TRDN: variants seen among roughly 807,000 people sequenced by gnomAD.
TRDN encodes triadin in skeletal muscle.
Under a neutral mutation model 149.7 loss-of-function variants are expected in TRDN, and 161 were observed. That is an observed-to-expected ratio of 1.08 (90% CI 0.95 to 1.23). TRDN has a LOEUF of 1.23. TRDN is among the 50% of genes most tolerant of loss of function. The probability of loss-of-function intolerance (pLI) is 0.00; values close to 1 mark genes in which losing one functional copy is unlikely to be tolerated. For missense variants in TRDN, 896 were observed against 823.5 expected (o/e 1.09, Z -1.08); for synonymous variants, 294 against 250.5 (o/e 1.17, Z -1.64).
intron 12 of TRDN, among the ~76,000 whole-genome samples, chr6:123,436,011 G>A (rs1774546365): frequency 6.6e-6 from 1 of 151,902 alleles, no homozygotes. Flanking sequence ...ACATACGCAT[G>A]AGCACACACA....
intron 1 of TRDN, among the ~76,000 whole-genome samples, chr6:123,621,482 TAAAA>T (rs1352886232): frequency 6.6e-6 from 1 of 151,870 alleles, no homozygotes; most frequent in Non-Finnish European, 1.5e-5. Flanking sequence ...ATATTAAAAC[TAAAA>T]AAAGAACATA....
intron 19 of TRDN, among the ~76,000 whole-genome samples, chr6:123,371,898 G>A (rs1781341096): frequency 6.6e-6 from 1 of 151,928 alleles, no homozygotes; most frequent in Admixed American, 6.6e-5. Context: ...AATATATTCT[G>A]GCAGCACCAG....
chr6:123,628,728 CTCTTT>C (rs1282039120), intron 1 of TRDN, among the ~76,000 whole-genome samples: 2 of 151,924 alleles, frequency 1.3e-5, no homozygotes, highest in African/African-American at 2.4e-5. Flanking sequence ...TTATTTTTTG[CTCTTT>C]TCTTTTTGTT....
At chr6:123,271,063 G>GTGTA in intron 30 of TRDN, 76 bp downstream of exon 30, 1 of 794,892 alleles carries the variant, frequency 1.3e-6, no homozygotes, top group South Asian at 2.0e-5. Context: ...GTGTGTGTGT[G>GTGTA]TCTGCATGCA....
At chr6:123,332,044 A>G (rs1438760562) in intron 22 of TRDN, 115 bp from the exon 23 acceptor site, 3 of 706,026 alleles carry the variant, frequency 4.2e-6, no homozygotes, top group Non-Finnish European at 6.8e-6. Context: ...TGGAAACTTT[A>G]TAATGCACTT....
intron 9 of TRDN, among the ~76,000 whole-genome samples, chr6:123,468,430 G>A (rs1776959997): frequency 6.6e-6 from 1 of 152,100 alleles, no homozygotes; most frequent in Non-Finnish European, 1.5e-5. Context: ...TGGTAGGTTG[G>A]CAAATTGCTA....
intron 5 of TRDN, among the ~76,000 whole-genome samples, chr6:123,520,414 A>G (rs1345164229): frequency 1.3e-5 from 2 of 152,152 alleles, no homozygotes; most frequent in Non-Finnish European, 2.9e-5. Flanking sequence ...TTGCTAAACC[A>G]GGACTCTCCT....
intron 29 of TRDN, among the ~76,000 whole-genome samples, chr6:123,272,523 G>T (rs72972692): frequency 3.3e-5 from 5 of 151,380 alleles, no homozygotes; most frequent in Non-Finnish European, 4.4e-5. Context: ...GGGAAGGAAG[G>T]GTGAAGAAAA....
chr6:123,568,245 T>C (rs562894600), intron 2 of TRDN, among the ~76,000 whole-genome samples: 19 of 152,260 alleles, frequency 1.2e-4, no homozygotes, highest in African/African-American at 4.3e-4. Context: ...AGCTCTACCG[T>C]TGTGGTTTTG....
chr6:123,553,418 A>C (rs1308692609), intron 2 of TRDN, among the ~76,000 whole-genome samples: 1 of 151,674 alleles, frequency 6.6e-6, no homozygotes, highest in African/African-American at 2.4e-5. Flanking sequence ...GATCCACTCC[A>C]CAGGAAGGCA....
intron 36 of TRDN, among the ~76,000 whole-genome samples, chr6:123,255,353 G>A (rs1046312251): frequency 2.6e-5 from 4 of 152,020 alleles, no homozygotes; most frequent in African/African-American, 9.7e-5. Flanking sequence ...AAATTAACTA[G>A]AATGTATGAA....
intron 1 of TRDN, among the ~76,000 whole-genome samples, chr6:123,574,848 TTATATATACATATATATATATA>T (rs1322475967): frequency 2.0e-5 from 2 of 102,554 alleles, no homozygotes; most frequent in East Asian, 2.8e-4. Flanking sequence ...GAACATGAAT[TTATATATACATATATATATATA>T]TATATATATA....
chr6:123,505,362 T>C (rs1009549252), intron 7 of TRDN, among the ~76,000 whole-genome samples: 9 of 151,780 alleles, frequency 5.9e-5, no homozygotes, highest in Non-Finnish European at 8.8e-5. Flanking sequence ...GAAGGTCCCA[T>C]TGAGAGAATG....
At position 123,563,927 on chromosome 6, in the gene TRDN, G is replaced by C. The variant is rs533097909; in HGVS notation, c.232+6996C>G. ...GGCTCAAGTGATTCTCCCACCTCAG[G>C]CTCTTGCCTTTATTAAAACAACAAT... On this transcript the variant is annotated intron_variant, in intron 2 of 40. Transcript: ENST00000334268. Among the ~76,000 whole-genome samples, 3 of 152,112 alleles carry C rather than the reference G, an allele frequency of 2.0e-5. No individual in the cohort carries two copies. In the East Asian group the frequency reaches 5.8e-4, roughly 29 times the overall value.
intron 21 of TRDN, chr6:123,350,145 G>A (rs951044815): frequency 1.3e-4 from 127 of 970,938 alleles, no homozygotes; most frequent in Non-Finnish European, 1.5e-4. Flanking sequence ...ATTCTTGATG[G>A]TTAGTAGACA....
chr6:123,572,013 C>T (rs949578235), intron 1 of TRDN, among the ~76,000 whole-genome samples: 1 of 152,046 alleles, frequency 6.6e-6, no homozygotes, highest in Admixed American at 6.6e-5. Context: ...ATAACATAAT[C>T]ACTTTTATAG....
At chr6:123,391,325 A>T (rs540918934) in intron 13 of TRDN, among the ~76,000 whole-genome samples, 60 of 152,092 alleles carry the variant, frequency 3.9e-4, no homozygotes, top group African/African-American at 1.4e-3. Flanking sequence ...AACAATTACC[A>T]TCTCCTAATT....
chr6:123,532,961 A>G (rs1019952778), intron 4 of TRDN, among the ~76,000 whole-genome samples: 3 of 151,982 alleles, frequency 2.0e-5, no homozygotes, highest in South Asian at 2.1e-4. Context: ...TCTCCTGTCA[A>G]TACTGTTTTG....
At chr6:123,438,268 G>A in intron 11 of TRDN, 146 bp from the exon 12 acceptor site, 1 of 623,182 alleles carries the variant, frequency 1.6e-6, no homozygotes, top group South Asian at 1.9e-5. Context: ...TATGAATAAG[G>A]TAGCACCTTC....
Sources: gnomAD v4.1 joint callset for allele counts (sites outside exome capture counted in the v4.1 genomes callset) on GRCh38, gnomAD v4.1.1 for gene constraint, MANE v1.5 for transcripts, NCBI Gene and HGNC (gene_info 2026-07-23, HGNC 2026-07-21) for gene names.